The following TENM4 variants were observed in gnomAD, a reference collection of about 807,000 sequenced individuals.
TENM4 encodes the protein teneurin transmembrane protein 4, also known as teneurin-4.
In TENM4, 82 loss-of-function variants were observed where a neutral mutation model predicts 243.3. That is an observed-to-expected ratio of 0.34 (90% CI 0.28 to 0.40). The LOEUF is 0.40. Among genes scored for constraint, TENM4 ranks in the 10% least tolerant of loss-of-function variants. TENM4 has a pLI of 1.00. For missense variants in TENM4, 3,138 were observed against 3,673.3 expected (o/e 0.85, Z 3.77); for synonymous variants, 1,412 against 1,456.3 (o/e 0.97, Z 0.69).
At chr11:79,367,969 T>C (rs956802465) in intron 1 of TENM4, among the ~76,000 whole-genome samples, 1 of 152,210 alleles carries the variant, frequency 6.6e-6, no homozygotes, top group African/African-American at 2.4e-5. Context: ...CATCTAAATC[T>C]GACTAAAGCA....
intron 4 of TENM4, among the ~76,000 whole-genome samples, chr11:79,123,980 T>C (rs1861805961): frequency 6.6e-6 from 1 of 152,182 alleles, no homozygotes; most frequent in Non-Finnish European, 1.5e-5. Context: ...CTTCTTTTTT[T>C]AAACCCATTT....
At chr11:78,691,815 A>G (rs1034209646) in intron 28 of TENM4, among the ~76,000 whole-genome samples, 1 of 152,200 alleles carries the variant, frequency 6.6e-6, no homozygotes, top group Admixed American at 6.5e-5. Flanking sequence ...TAGAGCAACC[A>G]ATTTATAAAA....
chr11:79,250,178 G>A (rs559046527), intron 2 of TENM4, among the ~76,000 whole-genome samples: 1 of 152,012 alleles, frequency 6.6e-6, no homozygotes, highest in South Asian at 2.1e-4. Context: ...GTAGAGACAG[G>A]TTTTCACCAT....
Position 78,669,796 on chromosome 11 carries a change from T to C in TENM4, c.6549A>G (p.Val2183=). ...MGRVVKKELK[V]GPYANTTRYS... is the part of the protein sequence containing the mutation. Reference sequence around the variant, plus strand: ...AGCGAGTGGTATTGGCGTAGGGTCCTACCTTCAGCTCCTTCTTCACTACTC... The same window carrying C: ...AGCGAGTGGTATTGGCGTAGGGTCCCACCTTCAGCTCCTTCTTCACTACTC... The change falls in exon 32 of 34, where the codon GTA becomes GTG. Residue 2183 remains valine, a synonymous_variant. Transcript: ENST00000278550. This position sits in a 1 kb window ranked among gnomAD's most constrained non-coding sequence, Gnocchi z 6.4. The C allele has an allele frequency of 6.2e-7, 1 of 1,613,992 alleles. No homozygotes were observed. The highest frequency in any genetic ancestry group is 8.5e-7 in the Non-Finnish European group (1 of 1,179,880).
At position 78,669,553 on chromosome 11, in the gene TENM4, C is replaced by T. The variant is rs1379153033; in HGVS notation, c.6792G>A (p.Arg2264=). ...AGTTGTACTCAAAGATATCACCGCC[C>T]CGCTGCCTCAGGAAGCCATCCTCAT... ...KMDEDGFLRQ[R]GGDIFEYNSA... is the part of the protein sequence containing the mutation. Residue 2264 remains arginine, a synonymous_variant, in exon 32 of 34, where the codon CGG becomes CGA. Transcript: ENST00000278550. The surrounding 1 kb of genome is among the most constrained non-coding windows in gnomAD (Gnocchi z 6.4). The T allele has an allele frequency of 2.5e-6, 4 of 1,614,002 alleles. No homozygotes were observed. The South Asian group carries it at 3.3e-5, about 13-fold the overall frequency.
At chr11:79,022,169 C>T (rs1433330919) in intron 6 of TENM4, among the ~76,000 whole-genome samples, 1 of 152,202 alleles carries the variant, frequency 6.6e-6, no homozygotes, top group African/African-American at 2.4e-5. Context: ...ACATCAGGCA[C>T]TGTGTTTCAC....
chr11:78,738,565 G>A lies in TENM4; in HGVS notation c.2762C>T (p.Ala921Val), dbSNP rs769105201. The A allele has an allele frequency of 3.7e-6, 6 of 1,613,604 alleles. No individual in the cohort carries two copies. In the East Asian group the frequency reaches 6.7e-5, roughly 18 times the overall value. ...PGENPFDGGH[A>V]CVIRGQVMTS... ...CATCACTTGGCCACGAATAACACAA[G>A]CATGCCTGTGGGAAGAGAAGAGAGA... The change falls in exon 20 of 34, where the codon GCT (alanine) becomes GTT (valine). Residue 921 changes from alanine (A) to valine (V), a missense_variant. Coordinates refer to ENST00000278550, the MANE Select transcript of TENM4 (RefSeq NM_001098816.3).
intron 2 of TENM4, among the ~76,000 whole-genome samples, chr11:79,238,940 G>A (rs1411039753): frequency 3.9e-5 from 6 of 152,158 alleles, no homozygotes; most frequent in Admixed American, 3.3e-4. Context: ...CATGAGAATC[G>A]CTTAAACCTG....
chr11:79,110,370 C>G (rs1861477047), intron 4 of TENM4, among the ~76,000 whole-genome samples: 1 of 152,206 alleles, frequency 6.6e-6, no homozygotes, highest in African/African-American at 2.4e-5. Context: ...GGGTTGAGAG[C>G]TGTGCTCCCC....
At chr11:78,752,490 C>T (rs1412714774) in intron 19 of TENM4, among the ~76,000 whole-genome samples, 1 of 152,236 alleles carries the variant, frequency 6.6e-6, no homozygotes, top group African/African-American at 2.4e-5. Context: ...CACTCTGAGG[C>T]CTGCCTTTCC....
At chr11:79,337,431 T>G (rs1857165348) in intron 1 of TENM4, among the ~76,000 whole-genome samples, 1 of 152,208 alleles carries the variant, frequency 6.6e-6, no homozygotes, top group Admixed American at 6.5e-5. Flanking sequence ...GTCCAACCTT[T>G]GGCTGTCCAG....
chr11:79,120,329 T>A (rs1861715793), intron 4 of TENM4, among the ~76,000 whole-genome samples: 1 of 152,224 alleles, frequency 6.6e-6, no homozygotes, highest in African/African-American at 2.4e-5. Flanking sequence ...ACTCACTTAT[T>A]CTGCTGAAAT....
intron 1 of TENM4, among the ~76,000 whole-genome samples, chr11:79,337,575 G>T (rs989829946): frequency 3.9e-5 from 6 of 152,196 alleles, no homozygotes; most frequent in African/African-American, 1.4e-4. Context: ...TATTGAGAAG[G>T]CCAGGGTAGG....
At chr11:79,009,098 C>A (rs993973497) in intron 6 of TENM4, among the ~76,000 whole-genome samples, 1 of 152,180 alleles carries the variant, frequency 6.6e-6, no homozygotes, top group African/African-American at 2.4e-5. Context: ...GTTTACTATA[C>A]AAAGGGCTGT....
At chr11:78,859,456 C>T (rs1177606718) in intron 10 of TENM4, among the ~76,000 whole-genome samples, 1 of 152,230 alleles carries the variant, frequency 6.6e-6, no homozygotes, top group Non-Finnish European at 1.5e-5. Flanking sequence ...CTTCCCATAG[C>T]AATGCTGTGC....
intron 2 of TENM4, among the ~76,000 whole-genome samples, chr11:79,234,176 C>T (rs1178374750): frequency 6.6e-6 from 1 of 152,218 alleles, no homozygotes; most frequent in Non-Finnish European, 1.5e-5. Flanking sequence ...AATAAGCTTG[C>T]ATATGCCTGG....
intron 8 of TENM4, 79 bp from the exon 9 acceptor site, chr11:78,890,099 G>A (rs577264017): frequency 4.2e-5 from 50 of 1,181,574 alleles, no homozygotes; most frequent in Admixed American, 5.3e-5. Flanking sequence ...GGCCAGAGGC[G>A]GCAGTAGAAG....
chr11:78,899,374 C>A (rs1302361265), intron 7 of TENM4, among the ~76,000 whole-genome samples: 1 of 151,944 alleles, frequency 6.6e-6, no homozygotes, highest in Non-Finnish European at 1.5e-5. Flanking sequence ...AGGAGGATTG[C>A]TTGTGCCCAG....
At chr11:78,704,304 CT>C (rs1205476301) in intron 27 of TENM4, among the ~76,000 whole-genome samples, 7 of 151,128 alleles carry the variant, frequency 4.6e-5, no homozygotes, top group African/African-American at 1.7e-4. Context: ...GTGTAAGCCA[CT>C]GTGTTTGGCC....
Sources: allele counts gnomAD v4.1 joint callset (sites outside exome capture counted in the v4.1 genomes callset), GRCh38; gene constraint gnomAD v4.1.1; non-coding constraint Gnocchi (gnomAD v3.1); transcripts MANE v1.5; gene names NCBI Gene and HGNC (gene_info 2026-07-23, HGNC 2026-07-21).